Variants in DNAH17 observed in about 807,000 individuals in gnomAD.
DNAH17 encodes axonemal beta dynein heavy chain 17.
In DNAH17, 376 loss-of-function variants were observed where a neutral mutation model predicts 485.6. That is an observed-to-expected ratio of 0.77 (90% CI 0.71 to 0.84). The LOEUF is 0.84. Ranked by LOEUF, DNAH17 falls within the 40% of genes least tolerant of loss-of-function variation. The pLI is 0.00. For synonymous variants in DNAH17, 3,031 were observed against 2,405.9 expected (o/e 1.26, Z -7.60); for missense variants, 6,370 against 5,839.3 (o/e 1.09, Z -2.96).
In DNAH17 at chr17:78,552,507, A is replaced by G. The variant is rs11869698; in HGVS notation, c.2287+190T>C. 0.05 allele frequency among the ~76,000 whole-genome samples: 6,367 copies of G among 127,434 alleles called. 285 individuals carry two copies. The highest frequency in any genetic ancestry group is 0.13 in the African/African-American group (4,647 of 35,670). 83.6% of individuals were successfully genotyped at this position (127,434 alleles called of 152,430 possible). ...CGGATTCCGTTTCTAAGTGACACAG[A>G]TGGGCTTTTTTTTTTTTTTTTTGCC... is the stretch of plus-strand genomic sequence containing the variant. On this transcript the variant is annotated intron_variant, in intron 15 of 80. Transcript: ENST00000389840.
At chr17:78,531,040 C>A (rs2091222147) in intron 20 of DNAH17, among the ~76,000 whole-genome samples, 1 of 152,190 alleles carries the variant, frequency 6.6e-6, no homozygotes, top group Non-Finnish European at 1.5e-5. Flanking sequence ...GTAAAGTGTT[C>A]TGTAGCTGTC....
intron 14 of DNAH17, among the ~76,000 whole-genome samples, chr17:78,556,581 A>G (rs1234658313): frequency 6.6e-6 from 1 of 152,094 alleles, no homozygotes; most frequent in Non-Finnish European, 1.5e-5. Context: ...TATGGTACAA[A>G]TGGTCGCCTT....
At chr17:78,459,272 G>A (rs2087970444) in intron 60 of DNAH17, 64 bp from the exon 61 acceptor site, 8 of 1,467,612 alleles carry the variant, frequency 5.5e-6, no homozygotes, top group Non-Finnish European at 7.6e-6. Context: ...CGGGCCCAGA[G>A]AAGCTGAGTG....
chr17:78,426,324 C>T, intron 79 of DNAH17, 133 bp downstream of exon 79: 1 of 1,163,562 alleles, frequency 8.6e-7, no homozygotes, highest in African/African-American at 1.6e-5. Flanking sequence ...CCTTCTGGCC[C>T]TGATCTGACA....
At position 78,543,740 on chromosome 17, in the gene DNAH17, A is replaced by G. The variant is rs991407373; in HGVS notation, c.2532+117T>C. 3.2e-5 allele frequency: 47 copies of G among 1,478,978 alleles called. No homozygotes were observed. In the South Asian group the frequency reaches 4.3e-4, roughly 14 times the overall value. 91.6% of individuals were successfully genotyped at this position (1,478,978 alleles called of 1,614,324 possible). On this transcript the variant is annotated intron_variant, in intron 17 of 80. Transcript: ENST00000389840. ...GCATCCAGCCAGGTCACAGACTTCT[A>G]TGACTACAAGAAATGTGTCACTAAT...
At chr17:78,548,154 ATTCTG>A (rs931604008) in intron 16 of DNAH17, among the ~76,000 whole-genome samples, 2 of 137,192 alleles carry the variant, frequency 1.5e-5, no homozygotes, top group Non-Finnish European at 3.1e-5. Flanking sequence ...CTTTCCTCTC[ATTCTG>A]TTCTTAGTTC....
rs554960738 is a variant in DNAH17 at position 78,558,222 on chromosome 17, C to A, written c.2064G>T (p.Leu688Phe). 6.2e-7 allele frequency: 1 copy of A among 1,613,800 alleles called. No individual in the cohort carries two copies. Among genetic ancestry groups the A allele is most frequent in the South Asian group, 1.1e-5 (1 of 91,018 alleles). Residue 688 changes from leucine to phenylalanine, a missense_variant, in exon 14 of 81, where the codon TTG becomes TTT. Physicochemically the swap from Leu to Phe is conservative, Grantham distance 22. Transcript: ENST00000389840. ...LVAVLREVKY[L>F]NFQQQKEIPD... ...GAATCTCTTTCTGTTGCTGGAAATT[C>A]AAATACTTGACTTCTCTCAGAACTG...
At chr17:78,491,243 G>C (rs1014967077) in intron 43 of DNAH17, among the ~76,000 whole-genome samples, 200 bp downstream of exon 43, 1 of 152,228 alleles carries the variant, frequency 6.6e-6, no homozygotes, top group Admixed American at 6.5e-5. Context: ...TGTAAGGTGA[G>C]GCGCATGCAA....
rs772585908 is a variant in DNAH17 at position 78,526,844 on chromosome 17, C to T, written c.3624+36G>A. 9.6e-6 allele frequency: 15 copies of T among 1,556,316 alleles called. 1 individual carries two copies. The East Asian group carries it at 3.3e-4, about 35-fold the overall frequency. On this transcript the variant is annotated intron_variant, in intron 23 of 80. Transcript: ENST00000389840. ...GCCCTGGGTGAGCCCCACGCTGCTC[C>T]CCGGAAATCCCGCCACCCTGCCCCA...
Position 78,571,368 on chromosome 17 carries a change from G to T in DNAH17, c.743C>A (p.Pro248His), listed in dbSNP as rs781324328. 3 of 1,613,384 alleles carry T rather than the reference G, an allele frequency of 1.9e-6. No individual in the cohort carries two copies. In the South Asian group the frequency reaches 3.3e-5, roughly 18 times the overall value. Residue 248 changes from proline (P) to histidine (H), a missense_variant, in exon 5 of 81, where the codon CCC (proline) becomes CAC (histidine). Physicochemically the swap from Pro to His is moderately conservative, Grantham distance 77. Coordinates refer to ENST00000389840, the MANE Select transcript of DNAH17 (RefSeq NM_173628.4). ...GATCTCAACAATCTTGTTCACTTTG[G>T]GTCTGTTTAGCTGAGAAGGGGAGTG... The part of the protein sequence containing the change: ...LKCIHEQLNR[P>H]KVNKIVEILE...
chr17:78,454,958 G>A (rs1043208312), intron 63 of DNAH17, among the ~76,000 whole-genome samples: 3 of 151,976 alleles, frequency 2.0e-5, no homozygotes, highest in Admixed American at 1.3e-4. Flanking sequence ...CACCCAGGCT[G>A]GAGTGCAGTG....
rs972157004 is a variant in DNAH17, at chr17:78,524,553, C to T, written c.3864+456G>A. Among the ~76,000 whole-genome samples, 5 of 152,166 alleles carry T rather than the reference C, an allele frequency of 3.3e-5. No individual in the cohort carries two copies. In the East Asian group the frequency reaches 7.7e-4, roughly 23 times the overall value. On this transcript the variant is annotated intron_variant, in intron 25 of 80. Coordinates refer to ENST00000389840, the MANE Select transcript of DNAH17 (RefSeq NM_173628.4). ...CTGTCTATGAGCCACAAAGTGCGTC[C>T]TCACCAGACATTACATCTGCCTTGA...
chr17:78,507,497 C>T lies in DNAH17; in HGVS notation c.4545G>A (p.Gly1515=). 6.2e-7 allele frequency: 1 copy of T among 1,613,008 alleles called. No homozygotes were observed. Among genetic ancestry groups the T allele is most frequent in the Non-Finnish European group, 8.5e-7 (1 of 1,179,008 alleles). The change falls in exon 28 of 81, where the codon GGG becomes GGA. Residue 1515 remains glycine (G), a synonymous_variant. Coordinates refer to ENST00000389840, the MANE Select transcript of DNAH17 (RefSeq NM_173628.4). ...TGATGTCGTCAAAGCGCTGGGAGTC[C>T]CCCGGGAGCTGGGTGCGGATGTCTT... ...GSEDIRTQLP[G]DSQRFDDINQ... is the part of the protein sequence containing the mutation.
intron 17 of DNAH17, among the ~76,000 whole-genome samples, chr17:78,541,361 G>T (rs1430562852): frequency 6.8e-6 from 1 of 147,238 alleles, no homozygotes; most frequent in African/African-American, 2.5e-5. Flanking sequence ...GATGAATGTG[G>T]TGGGTAGATG....
chr17:78,570,123 T>C (rs1390385363), intron 7 of DNAH17, 124 bp downstream of exon 7: 4 of 1,150,012 alleles, frequency 3.5e-6, no homozygotes, highest in African/African-American at 1.5e-5. Flanking sequence ...CTGAAAAGGC[T>C]TGTGCTGACA....
At chr17:78,445,491 C>G in intron 70 of DNAH17, 67 bp downstream of exon 70, 1 of 1,525,166 alleles carries the variant, frequency 6.6e-7, no homozygotes, top group Non-Finnish European at 8.8e-7. Context: ...GAAACATCCG[C>G]AGCATCAGCT....
At chr17:78,505,926 C>T (rs1177373799) in intron 30 of DNAH17, among the ~76,000 whole-genome samples, 1 of 151,904 alleles carries the variant, frequency 6.6e-6, no homozygotes, top group African/African-American at 2.4e-5. Flanking sequence ...TGTGGTGAGC[C>T]GAGATCGCGC....
chr17:78,502,783 G>T lies in DNAH17; in HGVS notation c.5083-85C>A, dbSNP rs748304449. ...AGACATTCCTGCTGAAAGCTTAGAT[G>T]GTTTTCCAGGGGACCACAGTTAACA... On this transcript the variant is annotated intron_variant, in intron 32 of 80. Transcript: ENST00000389840. 1.4e-4 allele frequency: 218 copies of T among 1,588,150 alleles called. 1 individual carries two copies. The Middle Eastern group carries it at 2.3e-3, about 16-fold the overall frequency.
intron 76 of DNAH17, 40 bp from the exon 77 acceptor site, chr17:78,428,747 G>A: frequency 6.2e-7 from 1 of 1,608,988 alleles, no homozygotes; most frequent in Non-Finnish European, 8.5e-7. Context: ...GCAAAGCTGT[G>A]CAGGCTGAAA....
Sources: allele counts gnomAD v4.1 joint callset (sites outside exome capture counted in the v4.1 genomes callset), GRCh38; gene constraint gnomAD v4.1.1; transcripts MANE v1.5; gene names NCBI Gene and HGNC (gene_info 2026-07-23, HGNC 2026-07-21).